Variants in UBN1 observed in about 807,000 individuals in gnomAD.
UBN1 encodes ubinuclein-1.
Under a neutral mutation model 108.5 loss-of-function variants are expected in UBN1, and 17 were observed. The observed-to-expected ratio is 0.16, with a 90% CI of 0.11 to 0.24. UBN1 has a LOEUF of 0.24. Ranked by LOEUF, UBN1 falls within the 10% of genes least tolerant of loss-of-function variation. UBN1 has a pLI of 1.00. For synonymous variants in UBN1, 726 were observed against 564.2 expected, an observed-to-expected ratio of 1.29 and a Z score of -4.07; for missense variants, 1,595 against 1,394.4, an observed-to-expected ratio of 1.14 and a Z score of -2.29.
chr16:4,881,294 G>C lies in UBN1; in HGVS notation c.*1162G>C, dbSNP rs1286167505. On this transcript the variant is annotated 3_prime_UTR_variant, in exon 18 of 18. Coordinates refer to ENST00000262376, the MANE Select transcript of UBN1 (RefSeq NM_001079514.3). Reference sequence around the variant, plus strand: ...GCCTTGAAGTCCTGGGGCTCTCCAGGCAGTGGGGTTATGTGTCGACTGAAG... The same window carrying C: ...GCCTTGAAGTCCTGGGGCTCTCCAGCCAGTGGGGTTATGTGTCGACTGAAG... 6.5e-6 allele frequency: 1 copy of C among 152,726 alleles called. No individual in the cohort carries two copies. Among genetic ancestry groups the C allele is most frequent in the Non-Finnish European group, 1.5e-5 (1 of 68,148 alleles). The allele number at this position is 152,726 out of a possible 1,614,324, so 9.5% of individuals were successfully genotyped here.
chr16:4,858,918 T>C, intron 4 of UBN1, 107 bp from the exon 5 acceptor site: 1 of 1,423,286 alleles, frequency 7.0e-7, no homozygotes, highest in Non-Finnish European at 9.6e-7. Context: ...TTTAGCATGC[T>C]CTTGGAAGTG....
rs2088089639 is a variant in UBN1 at position 4,882,080 on chromosome 16, T to A, written c.*1948T>A. 6.6e-6 allele frequency: 1 copy of A among 152,456 alleles called. No homozygotes were observed. Among genetic ancestry groups the A allele is most frequent in the South Asian group, 2.1e-4 (1 of 4,824 alleles). 9.4% of individuals were successfully genotyped at this position (152,456 alleles called of 1,614,324 possible). ...AGATTTCTTTTCCTTGTTTATGCTT[T>A]ATTTGTGGTAATGAAAGAGCGAATG... On this transcript the variant is annotated 3_prime_UTR_variant, in exon 18 of 18. Transcript: ENST00000262376.
At chr16:4,850,107 C>T (rs1156556633) in intron 1 of UBN1, among the ~76,000 whole-genome samples, 1 of 152,024 alleles carries the variant, frequency 6.6e-6, no homozygotes, top group Non-Finnish European at 1.5e-5. Flanking sequence ...GATTGTAAGT[C>T]TAACGTACCA....
chr16:4,859,236 A>G, intron 5 of UBN1, 77 bp downstream of exon 5: 1 of 1,555,026 alleles, frequency 6.4e-7, no homozygotes, highest in Admixed American at 1.9e-5. Flanking sequence ...GACTTGCCAG[A>G]ATACGTGGCG....
chr16:4,864,201 C>G (rs981953375), intron 7 of UBN1, among the ~76,000 whole-genome samples: 3 of 151,134 alleles, frequency 2.0e-5, no homozygotes, highest in Non-Finnish European at 4.4e-5. Context: ...ATTCTTGTGC[C>G]TCAGCCTCCC....
At chr16:4,850,470 G>A (rs962093959) in intron 1 of UBN1, among the ~76,000 whole-genome samples, 2 of 152,140 alleles carry the variant, frequency 1.3e-5, no homozygotes, top group African/African-American at 2.4e-5. Flanking sequence ...AGACTGTTCC[G>A]GTTCTATCAG....
At chr16:4,863,478 T>C (rs967498149) in intron 7 of UBN1, among the ~76,000 whole-genome samples, 1 of 152,230 alleles carries the variant, frequency 6.6e-6, no homozygotes, top group East Asian at 1.9e-4. Flanking sequence ...ATTTGATATT[T>C]GGATCCTTAA....
Position 4,881,868 on chromosome 16 carries a change from G to A in UBN1, c.*1736G>A, listed in dbSNP as rs1012694893. ...AGCCAAGCAGAGGCCGGCAGTGGAG[G>A]CTGAGCAGGGACTCTCCAGGCTTCT... On this transcript the variant is annotated 3_prime_UTR_variant, in exon 18 of 18. Transcript: ENST00000262376. The A allele has an allele frequency of 6.6e-6, 1 of 152,304 alleles. No individual in the cohort carries two copies. Among genetic ancestry groups the A allele is most frequent in the East Asian group, 1.9e-4 (1 of 5,162 alleles). The allele number at this position is 152,304 out of a possible 1,614,324, so 9.4% of individuals were successfully genotyped here. A position where few individuals can be genotyped will look rare whatever the true frequency, so the allele number is the denominator to read the frequency against.
intron 7 of UBN1, among the ~76,000 whole-genome samples, chr16:4,865,149 A>G (rs2087265280): frequency 6.6e-6 from 1 of 152,092 alleles, no homozygotes; most frequent in South Asian, 2.1e-4. Flanking sequence ...GAGGGACCCC[A>G]TTTATTTTTG....
At position 4,874,945 on chromosome 16, in the gene UBN1, G is replaced by A. The variant is rs1416468512; in HGVS notation, c.2535G>A (p.Val845=). Reference sequence around the variant, plus strand: ...GTCATCGTTCCCTCCTGCAGTTAGTGAAGACAGCGGCCAAAGGCCAGGGCT... The same window carrying A: ...GTCATCGTTCCCTCCTGCAGTTAGTAAAGACAGCGGCCAAAGGCCAGGGCT... The part of the protein sequence containing the change: ...TQCHRSLLQL[V]KTAAKGQGFH... The change falls in exon 15 of 18, where the codon GTG becomes GTA. Residue 845 remains valine (V), a synonymous_variant. Coordinates refer to ENST00000262376, the MANE Select transcript of UBN1 (RefSeq NM_001079514.3). 1.9e-6 allele frequency: 3 copies of A among 1,614,042 alleles called. No individual in the cohort carries two copies. The highest frequency in any genetic ancestry group is 2.5e-6 in the Non-Finnish European group (3 of 1,180,062).
chr16:4,852,893 C>A lies in UBN1; in HGVS notation c.-25C>A. The A allele has an allele frequency of 6.2e-7, 1 of 1,600,676 alleles. No homozygotes were observed. Among genetic ancestry groups the A allele is most frequent in the Non-Finnish European group, 8.5e-7 (1 of 1,171,298 alleles). On this transcript the variant is annotated 5_prime_UTR_variant, in exon 2 of 18. Transcript: ENST00000262376. ...AATGTTAACAGAAGCCATGCAGTGA[C>A]ACCCGCTAAGACTTGTTGGTAGCCA...
At position 4,875,380 on chromosome 16, in the gene UBN1, G is replaced by A. The variant is rs752481308; in HGVS notation, c.2970G>A (p.Ser990=). Residue 990 remains serine (S), a synonymous_variant, in exon 15 of 18, where the codon TCG becomes TCA. Coordinates refer to ENST00000262376, the MANE Select transcript of UBN1 (RefSeq NM_001079514.3). ...GTQGVAKLLT[S]PSLKPSAVSS... is the part of the protein sequence containing the mutation. Reference sequence around the variant, plus strand: ...AGGGAGTGGCAAAGTTGCTGACCTCGCCGTCCCTAAAGCCCTCTGCAGTTA... The same window carrying A: ...AGGGAGTGGCAAAGTTGCTGACCTCACCGTCCCTAAAGCCCTCTGCAGTTA... 1.5e-5 allele frequency: 24 copies of A among 1,613,966 alleles called. 1 individual carries two copies. The East Asian group carries it at 1.6e-4, about 10-fold the overall frequency.
At position 4,876,984 on chromosome 16, in the gene UBN1, A is replaced by T; in HGVS notation, c.3138A>T (p.Ile1046=). The change falls in exon 16 of 18, where the codon ATA becomes ATT. Residue 1046 remains isoleucine, a synonymous_variant. Coordinates refer to ENST00000262376, the MANE Select transcript of UBN1 (RefSeq NM_001079514.3). ...GAMSSNSLGI[I]TPVPIPVHVL... ...TGAGCTCGAACTCCTTGGGAATTAT[A>T]ACCCCTGTCCCTATTCCTGTCCATG... 6.2e-7 allele frequency: 1 copy of T among 1,614,174 alleles called. No individual in the cohort carries two copies. Among genetic ancestry groups the T allele is most frequent in the Non-Finnish European group, 8.5e-7 (1 of 1,180,026 alleles).
At position 4,859,168 on chromosome 16, in the gene UBN1, G is replaced by A. The variant is rs774274703; in HGVS notation, c.567+9G>A. The A allele has an allele frequency of 4.3e-6, 7 of 1,609,534 alleles. No homozygotes were observed. In the African/African-American group the frequency reaches 8.1e-5, roughly 19 times the overall value. ...AGAAAAAATCTCCAAAGGTTAGAAT[G>A]TGCTTGCTTTTGGATTTCAGAAATG... is the stretch of plus-strand genomic sequence containing the variant. On this transcript the variant is annotated intron_variant, in intron 5 of 17. Transcript: ENST00000262376.
intron 1 of UBN1, among the ~76,000 whole-genome samples, chr16:4,851,263 A>C (rs528800467): frequency 6.6e-6 from 1 of 152,346 alleles, no homozygotes; most frequent in African/African-American, 2.4e-5. Context: ...GCAGGAGTTC[A>C]AAACCAGTCT....
chr16:4,870,273 G>T lies in UBN1; in HGVS notation c.1243G>T (p.Ala415Ser). The change falls in exon 9 of 18, where the codon GCG becomes TCG. Residue 415 changes from alanine to serine, a missense_variant. Ala to Ser is a moderately conservative substitution (Grantham distance 99). Transcript: ENST00000262376. ...CCGCTCTGGGGTGTATGCCTATCTT[G>T]CGTCATTCCTGCCCTGCAGCAAGGA... ...QVRSGVYAYL[A>S]SFLPCSKDAL... 6.2e-7 allele frequency: 1 copy of T among 1,614,256 alleles called. No individual in the cohort carries two copies. The highest frequency in any genetic ancestry group is 8.5e-7 in the Non-Finnish European group (1 of 1,180,048).
chr16:4,871,793 A>G lies in UBN1; in HGVS notation c.1706+492A>G, dbSNP rs143095220. Among the ~76,000 whole-genome samples the G allele has an allele frequency of 4.5e-3, 688 of 152,044 alleles. 4 individuals are homozygous for G. The highest frequency in any genetic ancestry group is 0.014 in the African/African-American group (564 of 41,480). ...AGTAGAAATGGGGTTTCACCGTGTT[A>G]GCCAGGATGGTCTCAATCTCCTGAC... On this transcript the variant is annotated intron_variant, in intron 12 of 17. Transcript: ENST00000262376.
Position 4,852,996 on chromosome 16 carries a change from G to A in UBN1, c.79G>A (p.Glu27Lys). ...NPAFLKKSRKEEAGAGEQHQD... is the reference protein window; with the variant it reads ...NPAFLKKSRKKEAGAGEQHQD... Reference sequence around the variant, plus strand: ...TGCGTTTTTGAAGAAGTCCCGGAAGGAGGAGGCTGGGGCAGGAGAACAGCA... The same window carrying A: ...TGCGTTTTTGAAGAAGTCCCGGAAGAAGGAGGCTGGGGCAGGAGAACAGCA... The change falls in exon 2 of 18, where the codon GAG (glutamate) becomes AAG (lysine). Residue 27 changes from glutamate (E) to lysine (K), a missense_variant. Glu to Lys is a moderately conservative substitution (Grantham distance 56). Around this residue, in one of 3 missense-constraint regions of UBN1, gnomAD observed 181 missense variants for 157.3 expected, o/e 1.15. Transcript: ENST00000262376. The A allele has an allele frequency of 2.5e-6, 4 of 1,614,228 alleles. No individual in the cohort carries two copies. Among genetic ancestry groups the A allele is most frequent in the Non-Finnish European group, 3.4e-6 (4 of 1,180,044 alleles).
rs796516323 is a variant in UBN1, at chr16:4,864,075, C to CTTTT, written c.1110+2993_1110+2996dup. 7.3e-4 allele frequency among the ~76,000 whole-genome samples: 63 copies of CTTTT among 86,440 alleles called. 1 individual carries two copies. Among genetic ancestry groups the CTTTT allele is most frequent in the African/African-American group, 1.4e-3 (28 of 19,846 alleles). The allele number at this position is 86,440 out of a possible 152,430, so 56.7% of individuals were successfully genotyped here. ...GATCCTGGTTTGTTGTTGTTGTTGCCTTTTTTTTTTTTTTTTTTTTTTTGA... is the reference window on the plus strand; with the variant it reads ...GATCCTGGTTTGTTGTTGTTGTTGCCTTTTTTTTTTTTTTTTTTTTTTTTTTTGA... On this transcript the variant is annotated intron_variant, in intron 7 of 17. Coordinates refer to ENST00000262376, the MANE Select transcript of UBN1 (RefSeq NM_001079514.3).
Sources: allele counts gnomAD v4.1 joint callset (sites outside exome capture counted in the v4.1 genomes callset), GRCh38; gene constraint gnomAD v4.1.1; regional missense constraint gnomAD v4.1.1; transcripts MANE v1.5; gene names NCBI Gene and HGNC (gene_info 2026-07-23, HGNC 2026-07-21).